SEPHS1: variants seen among roughly 807,000 people sequenced by gnomAD.
SEPHS1 encodes the protein selenophosphate synthetase 1.
Under a neutral mutation model 39.2 loss-of-function variants are expected in SEPHS1, and 7 were observed. The ratio of observed to expected loss-of-function variants is 0.18; its 90% CI spans 0.10 to 0.34. The LOEUF (loss-of-function observed/expected upper bound fraction) is 0.34, where lower values mean the gene tolerates loss of function less well. SEPHS1 is among the 10% of genes least tolerant of loss of function. SEPHS1 has a pLI of 1.00. For synonymous variants in SEPHS1, 190 were observed against 195.5 expected (o/e 0.97, Z 0.23); for missense variants, 253 against 514.5 (o/e 0.49, Z 4.92).
chr10:13,333,329 C>G (rs1833524126), intron 5 of SEPHS1, among the ~76,000 whole-genome samples: 1 of 151,824 alleles, frequency 6.6e-6, no homozygotes, highest in Non-Finnish European at 1.5e-5. Flanking sequence ...GATGGGGTTT[C>G]TCCATGTTGG....
chr10:13,325,325 T>A (rs1833232620), intron 7 of SEPHS1, among the ~76,000 whole-genome samples: 1 of 152,228 alleles, frequency 6.6e-6, no homozygotes, highest in African/African-American at 2.4e-5. Context: ...TCTGGCTCTG[T>A]GTCCCCACCT....
Position 13,319,009 on chromosome 10 carries a change from C to T in SEPHS1, c.*133G>A. 1 of 778,062 alleles carries T rather than the reference C, an allele frequency of 1.3e-6. No homozygotes were observed. The highest frequency in any genetic ancestry group is 2.1e-6 in the Non-Finnish European group (1 of 478,494). 48.2% of individuals were successfully genotyped at this position (778,062 alleles called of 1,614,324 possible). The stretch of plus-strand genomic sequence containing the variant: ...TGGATTTTATTTTATTAATTGTATC[C>T]ACTTACAAACCGACCTAAGGTCACC... On this transcript the variant is annotated 3_prime_UTR_variant, in exon 9 of 9. Transcript: ENST00000327347.
At chr10:13,338,584 T>C in intron 3 of SEPHS1, 121 bp downstream of exon 3, 1 of 734,550 alleles carries the variant, frequency 1.4e-6, no homozygotes, top group African/African-American at 1.7e-5. Context: ...GGTGGGGCAG[T>C]ATAGTCGGGA....
chr10:13,336,387 G>A (rs1413265455), intron 3 of SEPHS1, 37 bp from the exon 4 acceptor site: 1 of 1,507,308 alleles, frequency 6.6e-7, no homozygotes, highest in South Asian at 1.1e-5. Flanking sequence ...GGACGACCGG[G>A]GACTTTCCAT....
At chr10:13,320,171 A>G (rs1218469352) in intron 8 of SEPHS1, among the ~76,000 whole-genome samples, 1 of 152,108 alleles carries the variant, frequency 6.6e-6, no homozygotes, top group Non-Finnish European at 1.5e-5. Context: ...TGCTCTTTCC[A>G]GTAAATAGGC....
At chr10:13,325,083 C>A (rs1236989996) in intron 7 of SEPHS1, among the ~76,000 whole-genome samples, 1 of 152,102 alleles carries the variant, frequency 6.6e-6, no homozygotes, top group East Asian at 1.9e-4. Flanking sequence ...ATGTGTTTGG[C>A]AAAATTTTTC....
Position 13,341,753 on chromosome 10 carries a change from TC to T in SEPHS1, c.194-2946del, listed in dbSNP as rs1833791467. On this transcript the variant is annotated intron_variant, in intron 2 of 8. Coordinates refer to ENST00000327347, the MANE Select transcript of SEPHS1 (RefSeq NM_012247.5). ...GGGCAGATCACTTAGAGTCAGGAGTTCCAGACCAGCCTGACCAACATAGTGA... is the reference window on the plus strand; with the variant it reads ...GGGCAGATCACTTAGAGTCAGGAGTTCAGACCAGCCTGACCAACATAGTGA... Among the ~76,000 whole-genome samples the T allele has an allele frequency of 2.0e-5, 3 of 147,174 alleles. 1 individual carries two copies. In the South Asian group the frequency reaches 6.5e-4, roughly 32 times the overall value.
intron 7 of SEPHS1, 50 bp downstream of exon 7, chr10:13,328,301 T>C (rs1267038445): frequency 1.6e-6 from 2 of 1,275,238 alleles, no homozygotes; most frequent in African/African-American, 1.5e-5. Flanking sequence ...GCCTAAGACA[T>C]TTACTGTCTT....
intron 2 of SEPHS1, among the ~76,000 whole-genome samples, chr10:13,339,808 G>C (rs983408666): frequency 2.6e-5 from 4 of 152,134 alleles, no homozygotes; most frequent in Admixed American, 1.3e-4. Context: ...TTGTTATGCT[G>C]TACTGTTTAG....
chr10:13,343,110 G>A (rs1285177282), intron 2 of SEPHS1, among the ~76,000 whole-genome samples: 1 of 152,152 alleles, frequency 6.6e-6, no homozygotes, highest in African/African-American at 2.4e-5. Flanking sequence ...GACATAATAT[G>A]AGTGACTAGT....
chr10:13,345,155 A>G, intron 1 of SEPHS1, 127 bp from the exon 2 acceptor site: 2 of 433,906 alleles, frequency 4.6e-6, no homozygotes, highest in Non-Finnish European at 4.1e-6. Flanking sequence ...GACCACTTAT[A>G]TTCACCACAG....
chr10:13,335,842 T>A (rs1833612464), intron 4 of SEPHS1, among the ~76,000 whole-genome samples: 1 of 151,012 alleles, frequency 6.6e-6, no homozygotes, highest in Admixed American at 6.6e-5. Flanking sequence ...TAGCCAGGTG[T>A]GGTGGTACGT....
At chr10:13,344,426 CT>C (rs773066877) in intron 2 of SEPHS1, among the ~76,000 whole-genome samples, 20 of 152,064 alleles carry the variant, frequency 1.3e-4, no homozygotes, top group Non-Finnish European at 2.5e-4. Flanking sequence ...AAGAGTACCC[CT>C]CTTGATGCGT....
At position 13,323,545 on chromosome 10, in the gene SEPHS1, G is replaced by C. The variant is rs543856441; in HGVS notation, c.752-498C>G. ...AATTTCTGTATTTTTAGCAGAGACA[G>C]GGTTTCACCATATTGGCCAGGCTGA... is the stretch of plus-strand genomic sequence containing the variant. On this transcript the variant is annotated intron_variant, in intron 7 of 8. Coordinates refer to ENST00000327347, the MANE Select transcript of SEPHS1 (RefSeq NM_012247.5). 1.5e-4 allele frequency among the ~76,000 whole-genome samples: 23 copies of C among 152,026 alleles called. 1 individual carries two copies. In the South Asian group the frequency reaches 3.8e-3, roughly 25 times the overall value.
At chr10:13,325,299 C>T (rs7095230) in intron 7 of SEPHS1, among the ~76,000 whole-genome samples, 68,014 of 151,996 alleles carry the variant, frequency 0.45, 17,167 homozygotes, top group East Asian at 0.77. Flanking sequence ...TTTAGGTCTA[C>T]GAATCATCAA....
At chr10:13,324,079 T>G (rs1833190851) in intron 7 of SEPHS1, among the ~76,000 whole-genome samples, 1 of 152,232 alleles carries the variant, frequency 6.6e-6, no homozygotes, top group Admixed American at 6.5e-5. Flanking sequence ...AGTGCTCTGC[T>G]CTACCTGATC....
At chr10:13,342,845 C>T (rs1833834598) in intron 2 of SEPHS1, among the ~76,000 whole-genome samples, 2 of 151,942 alleles carry the variant, frequency 1.3e-5, no homozygotes, top group Non-Finnish European at 2.9e-5. Flanking sequence ...AAGGGATCCT[C>T]CCACCTCAGC....
chr10:13,327,585 A>G (rs2131699294), intron 7 of SEPHS1, among the ~76,000 whole-genome samples: 1 of 152,372 alleles, frequency 6.6e-6, no homozygotes, highest in South Asian at 2.1e-4. Flanking sequence ...GGAAGAGAAG[A>G]CATATTAAAA....
chr10:13,334,029 A>G, intron 4 of SEPHS1, 58 bp from the exon 5 acceptor site: 1 of 1,483,826 alleles, frequency 6.7e-7, no homozygotes. Context: ...AACCCAGAAA[A>G]GAAGGTTTTT....
Sources: gnomAD v4.1 joint callset for allele counts (sites outside exome capture counted in the v4.1 genomes callset) on GRCh38, gnomAD v4.1.1 for gene constraint, MANE v1.5 for transcripts, NCBI Gene and HGNC (gene_info 2026-07-23, HGNC 2026-07-21) for gene names.